The following TUBA8 variants were observed in gnomAD, a reference collection of about 807,000 sequenced individuals.
TUBA8 encodes tubulin alpha 8.
TUBA8 carries 29 observed loss-of-function variants against 34.7 expected under a neutral mutation model. The observed-to-expected ratio is 0.84, with a 90% CI of 0.62 to 1.14. The LOEUF is 1.14. Among genes scored for constraint, TUBA8 ranks in the 50% most tolerant of loss-of-function variants. TUBA8 has a pLI of 0.00. For synonymous variants in TUBA8, 226 were observed against 231.2 expected, an observed-to-expected ratio of 0.98 and a Z score of 0.21; for missense variants, 541 against 599.2, an observed-to-expected ratio of 0.90 and a Z score of 1.01.
At chr22:18,129,359 G>C (rs1928428614) in intron 4 of TUBA8, 1 of 152,198 alleles carries the variant, frequency 6.6e-6, no homozygotes, top group Non-Finnish European at 1.5e-5. Flanking sequence ...CATTATGGTA[G>C]CATTAGCATA....
At position 18,124,601 on chromosome 22, in the gene TUBA8, C is replaced by G. The variant is rs930756650; in HGVS notation, c.375+297C>G. 3.2e-6 allele frequency: 1 copy of G among 317,276 alleles called. No homozygotes were observed. Among genetic ancestry groups the G allele is most frequent in the African/African-American group, 2.1e-5 (1 of 48,302 alleles). 19.7% of individuals were successfully genotyped at this position (317,276 alleles called of 1,614,324 possible). A position where few individuals can be genotyped will look rare whatever the true frequency, so the allele number is the denominator to read the frequency against. On this transcript the variant is annotated intron_variant, in intron 3 of 4. Coordinates refer to ENST00000330423, the MANE Select transcript of TUBA8 (RefSeq NM_018943.3). The surrounding 1 kb of genome is among the most constrained non-coding windows in gnomAD (Gnocchi z 4.3). ...AAGGCAGGATGAGGTCTCTGCTGGT[C>G]GGAAACACAGGTTAACAAAGCATTT...
intron 1 of TUBA8, chr22:18,113,693 G>C (rs942730302): frequency 6.6e-6 from 1 of 152,304 alleles, no homozygotes; most frequent in Non-Finnish European, 1.5e-5. Flanking sequence ...GTTGATAGGT[G>C]TATTCTGACC....
At position 18,119,275 on chromosome 22, in the gene TUBA8, G is replaced by A. The variant is rs1037092945; in HGVS notation, c.4-2204G>A. On this transcript the variant is annotated intron_variant, in intron 1 of 4. Transcript: ENST00000330423. This position sits in a 1 kb window ranked among gnomAD's most constrained non-coding sequence, Gnocchi z 5.9. The stretch of plus-strand genomic sequence containing the variant: ...TGCAGATGCTGCTTTCCTTAGGCCT[G>A]AATTGAGCCCTCAGATGGAGGCAGA... The A allele has an allele frequency of 4.6e-5, 7 of 152,242 alleles. No homozygotes were observed. Among genetic ancestry groups the A allele is most frequent in the African/African-American group, 1.4e-4 (6 of 41,434 alleles). The allele number at this position is 152,242 out of a possible 1,614,324, so 9.4% of individuals were successfully genotyped here.
chr22:18,114,670 A>G (rs1927912801), intron 1 of TUBA8: 1 of 152,056 alleles, frequency 6.6e-6, no homozygotes. Flanking sequence ...CAGCCTGACA[A>G]CTAGAGATAA....
rs895988679 is a variant in TUBA8 at position 18,126,610 on chromosome 22, A to G, written c.632A>G (p.Asp211Gly). ...ATGGTGGACAACGAAGCCATCTATG[A>G]CATCTGCCGCAGGAACCTTGACATT... is the stretch of plus-strand genomic sequence containing the variant. ...AFMVDNEAIY[D>G]ICRRNLDIER... is the part of the protein sequence containing the mutation. The change falls in exon 4 of 5, where the codon GAC becomes GGC. Residue 211 changes from aspartate to glycine, a missense_variant. Physicochemically the swap from Asp to Gly is moderately conservative, Grantham distance 94 (BLOSUM62 -1). Coordinates refer to ENST00000330423, the MANE Select transcript of TUBA8 (RefSeq NM_018943.3). This position sits in a 1 kb window ranked among gnomAD's most constrained non-coding sequence, Gnocchi z 4.0. The G allele has an allele frequency of 1.9e-6, 3 of 1,613,974 alleles. No individual in the cohort carries two copies. The highest frequency in any genetic ancestry group is 2.7e-5 in the African/African-American group (2 of 74,894).
In TUBA8 at chr22:18,126,960, G is replaced by T; in HGVS notation, c.982G>T (p.Val328Leu). ...LYRGDVVPKD[V>L]NVAIAAIKTK... ...CCGGGGCGACGTGGTGCCCAAGGAT[G>T]TGAATGTCGCTATTGCTGCCATCAA... is the stretch of plus-strand genomic sequence containing the variant. The change falls in exon 4 of 5, where the codon GTG becomes TTG. Residue 328 changes from valine (V) to leucine (L), a missense_variant. By Grantham distance (32) the Val-to-Leu change is conservative. Transcript: ENST00000330423. This position sits in a 1 kb window ranked among gnomAD's most constrained non-coding sequence, Gnocchi z 4.0. The T allele has an allele frequency of 1.9e-6, 3 of 1,613,734 alleles. No individual in the cohort carries two copies. The highest frequency in any genetic ancestry group is 2.5e-6 in the Non-Finnish European group (3 of 1,179,768).
intron 1 of TUBA8, chr22:18,114,816 T>C (rs904216183): frequency 6.6e-6 from 1 of 152,012 alleles, no homozygotes; most frequent in African/African-American, 2.4e-5. Flanking sequence ...GATATGCCAC[T>C]TTTACTGTCT....
At position 18,124,449 on chromosome 22, in the gene TUBA8, C is replaced by G; in HGVS notation, c.375+145C>G. On this transcript the variant is annotated intron_variant, in intron 3 of 4. Coordinates refer to ENST00000330423, the MANE Select transcript of TUBA8 (RefSeq NM_018943.3). The surrounding 1 kb of genome is among the most constrained non-coding windows in gnomAD (Gnocchi z 4.3). ...AGGTTTGGGAATTTCTGCTTAAATT[C>G]TGTAAGAAGCATGCACAGGGGTGAT... The G allele has an allele frequency of 1.0e-6, 1 of 979,610 alleles. No individual in the cohort carries two copies. Among genetic ancestry groups the G allele is most frequent in the Non-Finnish European group, 1.5e-6 (1 of 680,390 alleles). 60.7% of individuals were successfully genotyped at this position (979,610 alleles called of 1,614,324 possible).
chr22:18,110,918 A>C lies in TUBA8; in HGVS notation c.3+50A>C, dbSNP rs1419015027. ...GCTGCGGGCGCGCGGCAGGCGTAGGACCGAGAGCCGAGTCTACGCGGAGGC... is the reference window on the plus strand; with the variant it reads ...GCTGCGGGCGCGCGGCAGGCGTAGGCCCGAGAGCCGAGTCTACGCGGAGGC... On this transcript the variant is annotated intron_variant, in intron 1 of 4. Transcript: ENST00000330423. This position sits in a 1 kb window ranked among gnomAD's most constrained non-coding sequence, Gnocchi z 6.2. 6 of 1,538,472 alleles carry C rather than the reference A, an allele frequency of 3.9e-6. No homozygotes were observed. The East Asian group carries it at 1.4e-4, about 37-fold the overall frequency.
At chr22:18,115,919 G>C (rs1044311810) in intron 1 of TUBA8, 1 of 152,226 alleles carries the variant, frequency 6.6e-6, no homozygotes, top group Non-Finnish European at 1.5e-5. Flanking sequence ...GGTGGGACAG[G>C]CTTCTGCAGC....
At chr22:18,116,359 A>G (rs1927974283) in intron 1 of TUBA8, 1 of 152,292 alleles carries the variant, frequency 6.6e-6, no homozygotes, top group South Asian at 2.1e-4. Context: ...CAAGTGAGGC[A>G]GGAGGCCATG....
Position 18,126,454 on chromosome 22 carries a change from T to C in TUBA8, c.476T>C (p.Leu159Pro). Reference protein sequence around the residue: ...FTSLLMERLSLDYGKKSKLEF... With the variant: ...FTSLLMERLSPDYGKKSKLEF... ...TCTCTGCTGATGGAACGCCTCTCCC[T>C]GGATTATGGCAAGAAATCCAAGCTG... The change falls in exon 4 of 5, where the codon CTG becomes CCG. Residue 159 changes from leucine (L) to proline (P), a missense_variant. Leu to Pro is a moderately conservative substitution (Grantham distance 98). Transcript: ENST00000330423. This position sits in a 1 kb window ranked among gnomAD's most constrained non-coding sequence, Gnocchi z 4.0. The C allele has an allele frequency of 1.2e-6, 2 of 1,614,106 alleles. No homozygotes were observed. Among genetic ancestry groups the C allele is most frequent in the Non-Finnish European group, 8.5e-7 (1 of 1,180,014 alleles).
chr22:18,125,439 C>T (rs182467221), intron 3 of TUBA8: 1 of 149,484 alleles, frequency 6.7e-6, no homozygotes, highest in Admixed American at 6.8e-5. Flanking sequence ...TGCTTGAACC[C>T]AGAAGGCGGA....
chr22:18,130,902 G>GCGGGC lies in TUBA8; in HGVS notation c.1119_1123dup (p.Val375GlyfsTer53). ...CCGGGGGAGACCTGGCCAAGGTGCAGCGGGCCGTCTGCATGCTCAGCAACA... is the reference window on the plus strand; with the variant it reads ...CCGGGGGAGACCTGGCCAAGGTGCAGCGGGCCGGGCCGTCTGCATGCTCAGCAACA... On this transcript the variant is annotated frameshift_variant, in exon 5 of 5. Transcript: ENST00000330423. LOFTEE classifies it high-confidence loss of function. 1 of 1,614,152 alleles carries GCGGGC rather than the reference G, an allele frequency of 6.2e-7. No homozygotes were observed.
Position 18,124,592 on chromosome 22 carries a change from T to A in TUBA8, c.375+288T>A. ...TCCGGGTATAAGGCAGGATGAGGTC[T>A]CTGCTGGTCGGAAACACAGGTTAAC... On this transcript the variant is annotated intron_variant, in intron 3 of 4. Transcript: ENST00000330423. The surrounding 1 kb of genome is among the most constrained non-coding windows in gnomAD (Gnocchi z 4.3). 1 of 347,138 alleles carries A rather than the reference T, an allele frequency of 2.9e-6. No homozygotes were observed. Among genetic ancestry groups the A allele is most frequent in the Admixed American group, 4.2e-5 (1 of 23,990 alleles). 21.5% of individuals were successfully genotyped at this position (347,138 alleles called of 1,614,324 possible).
Position 18,126,631 on chromosome 22 carries a change from A to G in TUBA8, c.653A>G (p.Asp218Gly). Residue 218 changes from aspartate to glycine, a missense_variant, in exon 4 of 5, where the codon GAC becomes GGC. By Grantham distance (94) the Asp-to-Gly change is moderately conservative. Coordinates refer to ENST00000330423, the MANE Select transcript of TUBA8 (RefSeq NM_018943.3). The surrounding 1 kb of genome is among the most constrained non-coding windows in gnomAD (Gnocchi z 4.0). Reference protein sequence around the residue: ...AIYDICRRNLDIERPTYTNLN... With the variant: ...AIYDICRRNLGIERPTYTNLN... The stretch of plus-strand genomic sequence containing the variant: ...TATGACATCTGCCGCAGGAACCTTG[A>G]CATTGAGCGCCCTACCTATACCAAC... 1 of 1,614,114 alleles carries G rather than the reference A, an allele frequency of 6.2e-7. No individual in the cohort carries two copies. The highest frequency in any genetic ancestry group is 8.5e-7 in the Non-Finnish European group (1 of 1,180,012).
intron 2 of TUBA8, chr22:18,122,151 G>A (rs1308504208): frequency 5.9e-6 from 1 of 169,090 alleles, no homozygotes; most frequent in Non-Finnish European, 1.3e-5. Context: ...GGCCGCTGGA[G>A]TTCTGGAATG....
At chr22:18,120,492 A>G (rs987757390) in intron 1 of TUBA8, 8 of 152,194 alleles carry the variant, frequency 5.3e-5, no homozygotes, top group African/African-American at 1.9e-4. Flanking sequence ...GTAGTATTCC[A>G]TGGTGTATAT....
intron 4 of TUBA8, chr22:18,128,937 TGC>T (rs1288163076): frequency 6.6e-6 from 1 of 152,382 alleles, no homozygotes; most frequent in African/African-American, 2.4e-5. Flanking sequence ...GAGATGAGCA[TGC>T]CTCAGTTTTC....
Sources: allele counts gnomAD v4.1 joint callset, GRCh38; gene constraint gnomAD v4.1.1; non-coding constraint Gnocchi (gnomAD v3.1); transcripts MANE v1.5; gene names NCBI Gene and HGNC (gene_info 2026-07-23, HGNC 2026-07-21).